Variants in PHB2 observed in about 807,000 individuals in gnomAD.
The protein encoded by PHB2 is prohibitin 2.
A neutral mutation model predicts 46.4 loss-of-function variants in PHB2; 22 were observed. That is an observed-to-expected ratio of 0.47 (90% CI 0.34 to 0.68). PHB2 has a LOEUF of 0.68. Ranked by LOEUF, PHB2 falls within the 30% of genes least tolerant of loss-of-function variation. PHB2 has a pLI of 0.01. For synonymous variants in PHB2, 156 were observed against 150.5 expected, an observed-to-expected ratio of 1.04 and a Z score of -0.27; for missense variants, 305 against 382.8, an observed-to-expected ratio of 0.80 and a Z score of 1.70.
chr12:6,968,200 T>G (rs1334793803), intron 4 of PHB2, among the ~76,000 whole-genome samples, 179 bp from the exon 5 acceptor site: 2 of 152,238 alleles, frequency 1.3e-5, no homozygotes, highest in African/African-American at 2.4e-5. Flanking sequence ...AAGCCAAGAC[T>G]TGGCCATTTT....
intron 4 of PHB2, among the ~76,000 whole-genome samples, 192 bp downstream of exon 4, chr12:6,968,219 C>T (rs1946249239): frequency 6.6e-6 from 1 of 152,248 alleles, no homozygotes; most frequent in African/African-American, 2.4e-5. Context: ...TTCCTCTGTG[C>T]TTCCTAACAC....
Position 6,967,064 on chromosome 12 carries a change from G to C in PHB2, c.789+107C>G. The stretch of plus-strand genomic sequence containing the variant: ...GCGCCGGCCAGAGAAGCCAATCTGA[G>C]TAGAAACCGGAACAAGCAAGGTTCG... On this transcript the variant is annotated intron_variant, in intron 7 of 9. Coordinates refer to ENST00000535923, the MANE Select transcript of PHB2 (RefSeq NM_001144831.2). This position sits in a 1 kb window ranked among gnomAD's most constrained non-coding sequence, Gnocchi z 4.9. The C allele has an allele frequency of 1.0e-6, 1 of 1,000,870 alleles. No homozygotes were observed. The highest frequency in any genetic ancestry group is 2.0e-5 in the Admixed American group (1 of 49,156). 62.0% of individuals were successfully genotyped at this position (1,000,870 alleles called of 1,614,324 possible).
intron 7 of PHB2, 142 bp from the exon 8 acceptor site, chr12:6,966,642 C>T (rs1294344253): frequency 6.0e-6 from 4 of 671,532 alleles, no homozygotes; most frequent in African/African-American, 1.8e-5. Context: ...TTTCTGCTCG[C>T]ACTTAGGGAT....
Position 6,968,459 on chromosome 12 carries a change from A to G in PHB2, c.429T>C (p.Ser143=), listed in dbSNP as rs1555151276. Residue 143 remains serine, a synonymous_variant, in exon 4 of 10, where the codon AGT becomes AGC. Coordinates refer to ENST00000535923, the MANE Select transcript of PHB2 (RefSeq NM_001144831.2). ...GTGAGGCATTGAACTTGGCCACCAC[A>G]CTCTTGAGCACCTCGTTGACAATGG... ...LPSIVNEVLK[S]VVAKFNASQL... The G allele has an allele frequency of 1.2e-6, 2 of 1,612,616 alleles. No individual in the cohort carries two copies. The highest frequency in any genetic ancestry group is 4.5e-5 in the East Asian group (2 of 44,840).
At chr12:6,970,689 T>C, upstream of PHB2, 1 of 1,043,176 alleles carries the variant, frequency 9.6e-7, no homozygotes, top group Non-Finnish European at 1.4e-6. Context: ...GTGCGCTCCC[T>C]TTGAAACCCT....
At chr12:6,966,071 G>A (rs1555150744) in intron 8 of PHB2, among the ~76,000 whole-genome samples, 155 bp from the exon 9 acceptor site, 1 of 152,178 alleles carries the variant, frequency 6.6e-6, no homozygotes, top group Non-Finnish European at 1.5e-5. Context: ...CTCATGAAAG[G>A]AGGAGGCATG....
Position 6,965,922 on chromosome 12 carries a change from G to A in PHB2, c.867-6C>T. On this transcript the variant is annotated splice_polypyrimidine_tract_variant and splice_region_variant and intron_variant, in intron 8 of 9. Coordinates refer to ENST00000535923, the MANE Select transcript of PHB2 (RefSeq NM_001144831.2). ...CAACAACAGCTTACCTTCCCCTGTGGTGCCAGATCGCCAGATGAACAAGAA... is the reference window on the plus strand; with the variant it reads ...CAACAACAGCTTACCTTCCCCTGTGATGCCAGATCGCCAGATGAACAAGAA... The A allele has an allele frequency of 6.3e-7, 1 of 1,598,672 alleles. No homozygotes were observed. The highest frequency in any genetic ancestry group is 8.5e-7 in the Non-Finnish European group (1 of 1,179,336).
intron 2 of PHB2, 35 bp downstream of exon 2, chr12:6,970,161 A>T: frequency 6.6e-7 from 1 of 1,523,986 alleles, no homozygotes; most frequent in Non-Finnish European, 9.1e-7. Context: ...GTCAAGGGTG[A>T]AAGGTCAGGG....
At chr12:6,965,737 T>A (rs953758006) in intron 9 of PHB2, 25 bp from the exon 10 acceptor site, 1 of 1,605,300 alleles carries the variant, frequency 6.2e-7, no homozygotes. Flanking sequence ...AGATAGATAA[T>A]GACATTATTA....
intron 2 of PHB2, 65 bp downstream of exon 2, chr12:6,970,131 A>G (rs1399601844): frequency 1.7e-6 from 2 of 1,173,378 alleles, no homozygotes; most frequent in South Asian, 1.2e-5. Flanking sequence ...ACGTCCGACT[A>G]TAGCCACTGC....
rs1168136866 is a variant in PHB2, at chr12:6,967,405, C to T, written c.712-157G>A. On this transcript the variant is annotated intron_variant, in intron 6 of 9. Coordinates refer to ENST00000535923, the MANE Select transcript of PHB2 (RefSeq NM_001144831.2). This position sits in a 1 kb window ranked among gnomAD's most constrained non-coding sequence, Gnocchi z 4.9. Reference sequence around the variant, plus strand: ...ACCGTGGACCCCACCTGTGGGCCTCCCTGCAGGCTGCTGCCAGGAACTAGG... The same window carrying T: ...ACCGTGGACCCCACCTGTGGGCCTCTCTGCAGGCTGCTGCCAGGAACTAGG... 3.2e-6 allele frequency: 5 copies of T among 1,539,034 alleles called. No individual in the cohort carries two copies. The highest frequency in any genetic ancestry group is 1.7e-5 in the Admixed American group (1 of 59,888).
Position 6,965,596 on chromosome 12 carries a change from G to A in PHB2, c.*89C>T. 9.9e-7 allele frequency: 1 copy of A among 1,012,540 alleles called. No individual in the cohort carries two copies. Among genetic ancestry groups the A allele is most frequent in the Non-Finnish European group, 1.5e-6 (1 of 648,846 alleles). 62.7% of individuals were successfully genotyped at this position (1,012,540 alleles called of 1,614,324 possible). A position where few individuals can be genotyped will look rare whatever the true frequency, so the allele number is the denominator to read the frequency against. ...GACCATCGCATGATACTGGGGCGGG[G>A]TAGGGCTGTGCTGGACCCCTGGCTG... On this transcript the variant is annotated 3_prime_UTR_variant, in exon 10 of 10. Transcript: ENST00000535923.
chr12:6,969,395 G>C, intron 3 of PHB2, 103 bp downstream of exon 3: 3 of 589,026 alleles, frequency 5.1e-6, no homozygotes, highest in Non-Finnish European at 9.1e-6. Flanking sequence ...TGCAGATGTG[G>C]AAAGAGGCCT....
chr12:6,967,563 G>A lies in PHB2; in HGVS notation c.711+113C>T. 1 of 986,966 alleles carries A rather than the reference G, an allele frequency of 1.0e-6. No individual in the cohort carries two copies. Among genetic ancestry groups the A allele is most frequent in the Non-Finnish European group, 1.6e-6 (1 of 616,800 alleles). The allele number at this position is 986,966 out of a possible 1,614,324, so 61.1% of individuals were successfully genotyped here. A position where few individuals can be genotyped will look rare whatever the true frequency, so the allele number is the denominator to read the frequency against. On this transcript the variant is annotated intron_variant, in intron 6 of 9. Coordinates refer to ENST00000535923, the MANE Select transcript of PHB2 (RefSeq NM_001144831.2). The surrounding 1 kb of genome is among the most constrained non-coding windows in gnomAD (Gnocchi z 4.9). ...CCCCACCCCCAACAAGGAGCCAAGGGCCAGAGAGCACGGAGTCGCATTCGC... is the reference window on the plus strand; with the variant it reads ...CCCCACCCCCAACAAGGAGCCAAGGACCAGAGAGCACGGAGTCGCATTCGC...
chr12:6,967,628 C>T lies in PHB2; in HGVS notation c.711+48G>A. ...CCTGCCCATGAAGGAGAATGGGGAA[C>T]TCAGGTGCCCTAGGGGCTGGGCTGA... is the stretch of plus-strand genomic sequence containing the variant. On this transcript the variant is annotated intron_variant, in intron 6 of 9. Coordinates refer to ENST00000535923, the MANE Select transcript of PHB2 (RefSeq NM_001144831.2). This position sits in a 1 kb window ranked among gnomAD's most constrained non-coding sequence, Gnocchi z 4.9. 6.8e-7 allele frequency: 1 copy of T among 1,461,014 alleles called. No homozygotes were observed. Among genetic ancestry groups the T allele is most frequent in the Non-Finnish European group, 9.6e-7 (1 of 1,041,860 alleles). The allele number at this position is 1,461,014 out of a possible 1,614,324, so 90.5% of individuals were successfully genotyped here. A position where few individuals can be genotyped will look rare whatever the true frequency, so the allele number is the denominator to read the frequency against.
At chr12:6,969,798 C>T (rs1397717452) in intron 2 of PHB2, 1 of 504,548 alleles carries the variant, frequency 2.0e-6, no homozygotes, top group East Asian at 3.7e-5. Flanking sequence ...ACTCGTGAGG[C>T]TGAGGCAGGA....
Position 6,969,570 on chromosome 12 carries a change from A to C in PHB2, c.220T>G (p.Trp74Gly). The stretch of plus-strand genomic sequence containing the variant: ...TCATAGATAATGGGGTACTGGAACC[A>C]AGGGATCCTGGAGAGGACAGGGATA... ...LAEGLHFRIP[W>G]FQYPIIYDIR... The change falls in exon 3 of 10, where the codon TGG becomes GGG. Residue 74 changes from tryptophan to glycine, a missense_variant. Transcript: ENST00000535923. The C allele has an allele frequency of 6.2e-7, 1 of 1,604,564 alleles. No individual in the cohort carries two copies. The highest frequency in any genetic ancestry group is 8.5e-7 in the Non-Finnish European group (1 of 1,171,966).
Position 6,967,954 on chromosome 12 carries a change from A to G in PHB2, c.545T>C (p.Val182Ala). 1 of 1,613,450 alleles carries G rather than the reference A, an allele frequency of 6.2e-7. No individual in the cohort carries two copies. The highest frequency in any genetic ancestry group is 8.5e-7 in the Non-Finnish European group (1 of 1,179,442). ...GCTAAAGCTCAGCTCTGTGATGGCC[A>G]CATCATCCAGGATGAGGCTGAAGTC... The part of the protein sequence containing the change: ...AKDFSLILDD[V>A]AITELSFSRE... The change falls in exon 5 of 10, where the codon GTG (valine) becomes GCG (alanine). Residue 182 changes from valine to alanine, a missense_variant. Around this residue, in one of 3 missense-constraint regions of PHB2, gnomAD observed 241 missense variants for 302.7 expected, o/e 0.80. Coordinates refer to ENST00000535923, the MANE Select transcript of PHB2 (RefSeq NM_001144831.2). This position sits in a 1 kb window ranked among gnomAD's most constrained non-coding sequence, Gnocchi z 4.9.
chr12:6,969,818 G>GA (rs1357929431), intron 2 of PHB2: 7 of 489,394 alleles, frequency 1.4e-5, no homozygotes, highest in Non-Finnish European at 2.6e-5. Context: ...AGAATCGCTT[G>GA]AAATCAGGAG....
Sources: allele counts gnomAD v4.1 joint callset (sites outside exome capture counted in the v4.1 genomes callset), GRCh38; gene constraint gnomAD v4.1.1; regional missense constraint gnomAD v4.1.1; non-coding constraint Gnocchi (gnomAD v3.1); transcripts MANE v1.5; gene names NCBI Gene and HGNC (gene_info 2026-07-23, HGNC 2026-07-21).